MAP4K4: variants seen among roughly 807,000 people sequenced by gnomAD.
MAP4K4 encodes HPK/GCK-like kinase HGK.
In MAP4K4, 38 loss-of-function variants were observed where a neutral mutation model predicts 189.6. The ratio of observed to expected loss-of-function variants is 0.20; its 90% CI spans 0.15 to 0.26. The LOEUF (loss-of-function observed/expected upper bound fraction) is 0.26, where lower values mean the gene tolerates loss of function less well. MAP4K4 is among the 10% of genes least tolerant of loss of function. The pLI is 1.00. For synonymous variants in MAP4K4, 610 were observed against 624.3 expected (o/e 0.98, Z 0.34); for missense variants, 1,054 against 1,726.9 (o/e 0.61, Z 6.91).
intron 2 of MAP4K4, among the ~76,000 whole-genome samples, chr2:101,749,257 CTG>C (rs1213833380): frequency 6.6e-6 from 1 of 151,904 alleles, no homozygotes; most frequent in Admixed American, 6.6e-5. Context: ...TGACTTCAAA[CTG>C]TACTACAAGG....
intron 31 of MAP4K4, 27 bp from the exon 32 acceptor site, chr2:101,888,769 G>A (rs778901929): frequency 3.2e-6 from 5 of 1,560,624 alleles, no homozygotes; most frequent in South Asian, 2.5e-5. Flanking sequence ...CATCTTTAAC[G>A]GTTTGCAATT....
chr2:101,813,142 G>T (rs1324066817), intron 3 of MAP4K4, among the ~76,000 whole-genome samples: 1 of 152,050 alleles, frequency 6.6e-6, no homozygotes, highest in Non-Finnish European at 1.5e-5. Flanking sequence ...AAATAAATTG[G>T]ATTACATTAA....
chr2:101,892,159 A>G (rs2098580455), exon 33 of MAP4K4: 1 of 152,678 alleles, frequency 6.5e-6, no homozygotes, highest in South Asian at 2.1e-4. Flanking sequence ...CACAGTCTGC[A>G]CTTGCAGAAG....
intron 2 of MAP4K4, among the ~76,000 whole-genome samples, chr2:101,718,924 C>T (rs1053785028): frequency 6.6e-6 from 1 of 152,190 alleles, no homozygotes; most frequent in Non-Finnish European, 1.5e-5. Context: ...TTCACTGGAA[C>T]ACAGCTGCTA....
intron 2 of MAP4K4, among the ~76,000 whole-genome samples, chr2:101,729,010 G>T (rs1211392045): frequency 1.3e-5 from 2 of 151,746 alleles, no homozygotes; most frequent in Non-Finnish European, 2.9e-5. Context: ...TTGTGAAGAT[G>T]TAATGAATGA....
intron 2 of MAP4K4, among the ~76,000 whole-genome samples, chr2:101,743,838 A>G (rs1196039271): frequency 6.6e-6 from 1 of 152,040 alleles, no homozygotes; most frequent in Non-Finnish European, 1.5e-5. Context: ...TTGTATTTGT[A>G]GTAGAGACAG....
intron 2 of MAP4K4, among the ~76,000 whole-genome samples, chr2:101,759,932 C>T (rs2075436255): frequency 6.6e-6 from 1 of 151,582 alleles, no homozygotes; most frequent in Non-Finnish European, 1.5e-5. Context: ...CAGCTTGTGA[C>T]TCCTGGGCCC....
intron 10 of MAP4K4, 28 bp from the exon 11 acceptor site, chr2:101,842,581 C>G: frequency 5.2e-6 from 8 of 1,534,676 alleles, no homozygotes; most frequent in Non-Finnish European, 7.1e-6. Context: ...TGTGAACTGT[C>G]CCATTTATCT....
chr2:101,802,156 A>G (rs900979523), intron 3 of MAP4K4, among the ~76,000 whole-genome samples: 1 of 150,834 alleles, frequency 6.6e-6, no homozygotes, highest in African/African-American at 2.5e-5. Flanking sequence ...AGTCTGTAAG[A>G]ACAAACAGAT....
chr2:101,859,095 C>T lies in MAP4K4; in HGVS notation c.1482+13C>T. 1 of 1,607,652 alleles carries T rather than the reference C, an allele frequency of 6.2e-7. No homozygotes were observed. ...GGCCATGTTACTGGTAAAGCCCCGC[C>T]TCTGTTTCATTCTGTAGCATCAGGG... On this transcript the variant is annotated intron_variant, in intron 14 of 32. Coordinates refer to ENST00000324219, the Ensembl canonical transcript of MAP4K4.
intron 3 of MAP4K4, among the ~76,000 whole-genome samples, chr2:101,820,911 A>G (rs1011904620): frequency 1.3e-5 from 2 of 152,202 alleles, no homozygotes; most frequent in Non-Finnish European, 2.9e-5. Flanking sequence ...CTTTTGAGGC[A>G]TTAGGTTTCC....
chr2:101,750,153 TTA>T (rs2067985632), intron 2 of MAP4K4, among the ~76,000 whole-genome samples: 1 of 149,346 alleles, frequency 6.7e-6, no homozygotes, highest in Non-Finnish European at 1.5e-5. Context: ...AGCCATCCCA[TTA>T]CTGGGTATAT....
chr2:101,812,458 G>A (rs56349254), intron 3 of MAP4K4, among the ~76,000 whole-genome samples: 6,000 of 152,234 alleles, frequency 0.039, 310 homozygotes, highest in African/African-American at 0.11. Flanking sequence ...CTCACAGCAC[G>A]CGTGCGTGTC....
intron 16 of MAP4K4, among the ~76,000 whole-genome samples, chr2:101,863,608 T>C (rs1408929031): frequency 6.6e-6 from 1 of 152,218 alleles, no homozygotes; most frequent in Non-Finnish European, 1.5e-5. Context: ...GAGTTTTCCT[T>C]GTAAATGTAC....
intron 16 of MAP4K4, chr2:101,862,172 T>G (rs2097680405): frequency 6.7e-6 from 1 of 149,132 alleles, no homozygotes; most frequent in South Asian, 2.1e-4. Flanking sequence ...GAGTGGAGTT[T>G]GCAGCTTGCA....
chr2:101,790,425 A>AG (rs1359867565), intron 2 of MAP4K4, among the ~76,000 whole-genome samples: 1 of 152,184 alleles, frequency 6.6e-6, no homozygotes, highest in African/African-American at 2.4e-5. Flanking sequence ...AAATCCTTAG[A>AG]GAAAAAAAAA....
intron 2 of MAP4K4, among the ~76,000 whole-genome samples, chr2:101,701,592 A>T (rs2038806149): frequency 6.6e-6 from 1 of 152,180 alleles, no homozygotes; most frequent in Non-Finnish European, 1.5e-5. Context: ...AACAGTGGTA[A>T]ATGGTCTGGT....
chr2:101,856,514 C>A (rs923791457), intron 13 of MAP4K4, among the ~76,000 whole-genome samples: 3 of 151,858 alleles, frequency 2.0e-5, no homozygotes, highest in Non-Finnish European at 4.4e-5. Context: ...TAAAAACCAA[C>A]AGTAAGAAAT....
At chr2:101,856,585 T>G (rs1157513118) in intron 13 of MAP4K4, among the ~76,000 whole-genome samples, 1 of 152,220 alleles carries the variant, frequency 6.6e-6, no homozygotes, top group Non-Finnish European at 1.5e-5. Flanking sequence ...TATATCAGCA[T>G]GTAATTCTGT....
Sources: gnomAD v4.1 joint callset for allele counts (sites outside exome capture counted in the v4.1 genomes callset) on GRCh38, gnomAD v4.1.1 for gene constraint, MANE v1.5 for transcripts, NCBI Gene and HGNC (gene_info 2026-07-23, HGNC 2026-07-21) for gene names.